Variants in CPNE8 observed in about 807,000 individuals in gnomAD.
The protein encoded by CPNE8 is copine-8.
CPNE8 carries 45 observed loss-of-function variants against 81.5 expected under a neutral mutation model. That is an observed-to-expected ratio of 0.55 (90% CI 0.44 to 0.71). The LOEUF (loss-of-function observed/expected upper bound fraction) is 0.71, where lower values mean the gene tolerates loss of function less well. Among genes scored for constraint, CPNE8 ranks in the 30% least tolerant of loss-of-function variants. CPNE8 has a pLI of 0.00. For missense variants in CPNE8, 594 were observed against 672.1 expected, an observed-to-expected ratio of 0.88 and a Z score of 1.28; for synonymous variants, 252 against 226.3, an observed-to-expected ratio of 1.11 and a Z score of -1.02.
chr12:38,791,664 T>C (rs556031676), intron 6 of CPNE8, among the ~76,000 whole-genome samples: 1 of 151,590 alleles, frequency 6.6e-6, no homozygotes, highest in South Asian at 2.1e-4. Flanking sequence ...ATACCACATC[T>C]TTAATAATGT....
At chr12:38,676,114 TAAA>T (rs11418735) in intron 17 of CPNE8, 9 of 270,812 alleles carry the variant, frequency 3.3e-5, no homozygotes, top group Non-Finnish European at 4.3e-5. Flanking sequence ...AGAGCCTGTC[TAAA>T]AAAAAAAAAA....
intron 14 of CPNE8, among the ~76,000 whole-genome samples, chr12:38,699,474 A>G (rs773207106): frequency 1.6e-4 from 24 of 152,260 alleles, no homozygotes; most frequent in Non-Finnish European, 3.2e-4. Context: ...CTACTTTGCT[A>G]TTTTCATTTA....
At chr12:38,687,554 G>T (rs908713096) in intron 15 of CPNE8, among the ~76,000 whole-genome samples, 1 of 151,650 alleles carries the variant, frequency 6.6e-6, no homozygotes, top group Non-Finnish European at 1.5e-5. Flanking sequence ...GCTAATTTTT[G>T]TATTTTTAGT....
At chr12:38,749,895 G>A (rs1941314501) in intron 10 of CPNE8, among the ~76,000 whole-genome samples, 1 of 152,188 alleles carries the variant, frequency 6.6e-6, no homozygotes, top group Non-Finnish European at 1.5e-5. Flanking sequence ...ATTTGCATAA[G>A]GAAGGAGGAG....
intron 10 of CPNE8, among the ~76,000 whole-genome samples, chr12:38,737,489 C>A (rs1940982574): frequency 6.6e-6 from 1 of 152,042 alleles, no homozygotes; most frequent in South Asian, 2.1e-4. Context: ...ATAGCCTACT[C>A]ATTTACATAC....
chr12:38,824,608 T>C (rs2137012590), intron 6 of CPNE8, among the ~76,000 whole-genome samples: 1 of 151,612 alleles, frequency 6.6e-6, no homozygotes, highest in South Asian at 2.1e-4. Context: ...TCTGAATAAC[T>C]TAGAATATAA....
At chr12:38,680,138 C>T (rs1306509517) in intron 16 of CPNE8, among the ~76,000 whole-genome samples, 2 of 151,856 alleles carry the variant, frequency 1.3e-5, no homozygotes, top group Admixed American at 6.6e-5. Context: ...AATTCAAACA[C>T]ATTTCTTTTG....
At chr12:38,723,489 T>A (rs1340419435) in intron 13 of CPNE8, among the ~76,000 whole-genome samples, 1 of 152,214 alleles carries the variant, frequency 6.6e-6, no homozygotes, top group Non-Finnish European at 1.5e-5. Context: ...AAATGTCCTA[T>A]GTATTAGGCA....
intron 10 of CPNE8, among the ~76,000 whole-genome samples, chr12:38,732,416 C>G (rs1018730377): frequency 6.6e-6 from 1 of 151,948 alleles, no homozygotes; most frequent in African/African-American, 2.4e-5. Context: ...CATTGGGGAA[C>G]TTTGAAGCAG....
intron 1 of CPNE8, among the ~76,000 whole-genome samples, chr12:38,899,420 C>A (rs1383990338): frequency 1.3e-5 from 2 of 152,106 alleles, no homozygotes; most frequent in South Asian, 2.1e-4. Context: ...TATGTTGGCA[C>A]CCTGATCGCA....
intron 5 of CPNE8, among the ~76,000 whole-genome samples, chr12:38,833,567 T>C (rs1250423377): frequency 6.8e-6 from 1 of 147,262 alleles, no homozygotes; most frequent in Admixed American, 6.9e-5. Context: ...CAAGCTCCAC[T>C]TCCTGGGTTT....
intron 1 of CPNE8, among the ~76,000 whole-genome samples, chr12:38,897,683 ATAT>A (rs773118692): frequency 2.0e-5 from 3 of 151,222 alleles, no homozygotes; most frequent in Non-Finnish European, 4.4e-5. Flanking sequence ...ATGTGTGTAT[ATAT>A]TAATATACAC....
At chr12:38,770,492 T>G (rs1001979484) in intron 7 of CPNE8, among the ~76,000 whole-genome samples, 2 of 152,222 alleles carry the variant, frequency 1.3e-5, no homozygotes, top group South Asian at 4.1e-4. Flanking sequence ...CAATCCATTC[T>G]CCATTCAGCA....
rs1944014782 is a variant in CPNE8, at chr12:38,872,999, C to G, written c.186+5G>C. The G allele has an allele frequency of 5.3e-6, 8 of 1,513,998 alleles. No individual in the cohort carries two copies. Among genetic ancestry groups the G allele is most frequent in the Non-Finnish European group, 7.3e-6 (8 of 1,094,060 alleles). 93.8% of individuals were successfully genotyped at this position (1,513,998 alleles called of 1,614,324 possible). ...GTGATTTTTTTAAAAAAGTTTTAAACTTACCTCTCTCCATTCTTTATTTCC... is the reference window on the plus strand; with the variant it reads ...GTGATTTTTTTAAAAAAGTTTTAAAGTTACCTCTCTCCATTCTTTATTTCC... On this transcript the variant is annotated splice_donor_5th_base_variant and intron_variant, in intron 3 of 19. Coordinates refer to ENST00000331366, the MANE Select transcript of CPNE8 (RefSeq NM_153634.3).
intron 14 of CPNE8, among the ~76,000 whole-genome samples, chr12:38,702,654 A>C (rs1018797441): frequency 6.6e-6 from 1 of 152,044 alleles, no homozygotes. Context: ...ATATATAATA[A>C]ATCTGAATGA....
At chr12:38,888,667 C>A (rs887704008) in intron 1 of CPNE8, among the ~76,000 whole-genome samples, 1 of 152,130 alleles carries the variant, frequency 6.6e-6, no homozygotes, top group Non-Finnish European at 1.5e-5. Context: ...CAGAAGTGTG[C>A]CCTGACTCAA....
In CPNE8 at chr12:38,882,023, G is replaced by A. The variant is rs1001311546; in HGVS notation, c.99-7512C>T. ...TATGGCTCCTGTATTTTCTGTCCTAGTAAATGACAACTGTGAAAGAAAAAT... is the reference window on the plus strand; with the variant it reads ...TATGGCTCCTGTATTTTCTGTCCTAATAAATGACAACTGTGAAAGAAAAAT... On this transcript the variant is annotated intron_variant, in intron 1 of 19. Coordinates refer to ENST00000331366, the MANE Select transcript of CPNE8 (RefSeq NM_153634.3). Among the ~76,000 whole-genome samples, 12 of 152,126 alleles carry A rather than the reference G, an allele frequency of 7.9e-5. 1 individual carries two copies. In the South Asian group the frequency reaches 1.0e-3, roughly 13 times the overall value.
At position 38,895,368 on chromosome 12, in the gene CPNE8, A is replaced by C. The variant is rs116859736; in HGVS notation, c.98+10069T>G. On this transcript the variant is annotated intron_variant, in intron 1 of 19. Coordinates refer to ENST00000331366, the MANE Select transcript of CPNE8 (RefSeq NM_153634.3). ...GGGCCTGAGGTCAATTCTCAATTCC[A>C]CTGGTAAATTTGAATGTCACATAGT... Among the ~76,000 whole-genome samples the C allele has an allele frequency of 3.3e-3, 500 of 152,202 alleles. 5 individuals are homozygous for C. The highest frequency in any genetic ancestry group is 5.5e-3 in the Non-Finnish European group (375 of 67,954).
At chr12:38,669,586 G>A (rs904130477) in intron 19 of CPNE8, among the ~76,000 whole-genome samples, 5 of 152,096 alleles carry the variant, frequency 3.3e-5, no homozygotes, top group East Asian at 1.9e-4. Flanking sequence ...GGGCAAACAC[G>A]GCCACTTTAA....
Sources: gnomAD v4.1 joint callset for allele counts (sites outside exome capture counted in the v4.1 genomes callset) on GRCh38, gnomAD v4.1.1 for gene constraint, MANE v1.5 for transcripts, NCBI Gene and HGNC (gene_info 2026-07-23, HGNC 2026-07-21) for gene names.